CGREF1: variants seen among roughly 807,000 people sequenced by gnomAD.
CGREF1 encodes cell growth regulator with EF-hand domain 1.
In CGREF1, 16 loss-of-function variants were observed where a neutral mutation model predicts 17.4. The ratio of observed to expected loss-of-function variants is 0.92; its 90% CI spans 0.62 to 1.40. CGREF1 has a LOEUF of 1.40. Ranked by LOEUF, CGREF1 falls within the 40% of genes most tolerant of loss-of-function variation. CGREF1 has a pLI of 0.00. For synonymous variants in CGREF1, 142 were observed against 154.6 expected (o/e 0.92, Z 0.61); for missense variants, 296 against 376.4 (o/e 0.79, Z 1.77).
At chr2:27,116,871 TTCTCTCTC>T (rs537582075) in intron 1 of CGREF1, among the ~76,000 whole-genome samples, 2,206 of 33,644 alleles carry the variant, frequency 0.066, 91 homozygotes, top group Non-Finnish European at 0.093. Flanking sequence ...GCCAGGCCTA[TTCTCTCTC>T]TCTCTCTCTC....
chr2:27,106,704 C>T lies in CGREF1; in HGVS notation c.-11-2327G>A, dbSNP rs568372315. ...TGATATCAGCTCACTGCAACCTCCA[C>T]CTCCCGGGCTCAAGCGATTCTCCTG... is the stretch of plus-strand genomic sequence containing the variant. On this transcript the variant is annotated intron_variant, in intron 1 of 5. Transcript: ENST00000402394. Among the ~76,000 whole-genome samples the T allele has an allele frequency of 7.2e-4, 110 of 152,324 alleles. No homozygotes were observed. In the South Asian group the frequency reaches 0.022, roughly 30 times the overall value.
downstream of CGREF1, chr2:27,100,041 T>G: frequency 1.6e-6 from 1 of 642,886 alleles, no homozygotes; most frequent in Non-Finnish European, 2.7e-6. Context: ...TCCTCCCTCT[T>G]TGTGTCCATT....
chr2:27,103,976 C>G (rs1259141385), intron 2 of CGREF1, among the ~76,000 whole-genome samples: 1 of 151,990 alleles, frequency 6.6e-6, no homozygotes, highest in Non-Finnish European at 1.5e-5. Flanking sequence ...GAGTAAGACT[C>G]TGTCTCAAGA....
At chr2:27,107,156 A>G (rs1671152245) in intron 1 of CGREF1, among the ~76,000 whole-genome samples, 1 of 152,262 alleles carries the variant, frequency 6.6e-6, no homozygotes, top group East Asian at 1.9e-4. Context: ...TAAGACACTG[A>G]GTAAGAGCCA....
At position 27,101,250 on chromosome 2, in the gene CGREF1, G is replaced by A. The variant is rs1332277975; in HGVS notation, c.*24C>T. On this transcript the variant is annotated 3_prime_UTR_variant, in exon 6 of 6. Transcript: ENST00000402394. ...GCTTATGTTCTGGCACTGAGACTTC[G>A]TGGGGTACCTGTATCTTCAAGATCT... 1.7e-5 allele frequency: 26 copies of A among 1,525,824 alleles called. No homozygotes were observed. Among genetic ancestry groups the A allele is most frequent in the East Asian group, 4.5e-5 (2 of 44,072 alleles). The allele number at this position is 1,525,824 out of a possible 1,614,324, so 94.5% of individuals were successfully genotyped here.
rs536196966 is a variant in CGREF1 at position 27,111,973 on chromosome 2, G to A, written c.-12+6873C>T. On this transcript the variant is annotated intron_variant, in intron 1 of 5. Coordinates refer to ENST00000402394, the MANE Select transcript of CGREF1 (RefSeq NM_006569.6). ...CGCGGCCAGAGTGGGCGCCAAGGCC[G>A]AGGAGGCGCCGAGAACGAGCGAGGG... 7.2e-5 allele frequency among the ~76,000 whole-genome samples: 11 copies of A among 152,364 alleles called. No homozygotes were observed. In the East Asian group the frequency reaches 1.3e-3, roughly 19 times the overall value.
chr2:27,104,427 C>T (rs1404261034), intron 1 of CGREF1, 50 bp from the exon 2 acceptor site: 9 of 1,600,680 alleles, frequency 5.6e-6, no homozygotes, highest in Middle Eastern at 1.7e-4. Context: ...CGTCTGCCAC[C>T]GTGTCACAGA....
chr2:27,099,538 G>A (rs774520724), downstream of CGREF1: 5 of 1,614,180 alleles, frequency 3.1e-6, no homozygotes, highest in Non-Finnish European at 4.2e-6. Flanking sequence ...GGGAGCTGGA[G>A]ACACCTTCAA....
chr2:27,100,447 T>C (rs1317919421), downstream of CGREF1: 2 of 1,291,016 alleles, frequency 1.5e-6, no homozygotes, highest in Admixed American at 2.3e-5. Flanking sequence ...CAGCCACAAA[T>C]GTGACCCAGG....
chr2:27,099,409 C>A (rs377473990), downstream of CGREF1: 25 of 1,612,744 alleles, frequency 1.6e-5, no homozygotes, highest in African/African-American at 2.5e-4. Context: ...CTGAGTGGAG[C>A]CGTCTTGCAG....
intron 1 of CGREF1, among the ~76,000 whole-genome samples, chr2:27,106,550 G>T (rs1451057631): frequency 6.6e-6 from 1 of 152,174 alleles, no homozygotes; most frequent in Non-Finnish European, 1.5e-5. Context: ...TTGGTGCTGT[G>T]TAGAAGGGAG....
In CGREF1 at chr2:27,101,213, G is replaced by C; in HGVS notation, c.*61C>G. On this transcript the variant is annotated 3_prime_UTR_variant, in exon 6 of 6. Coordinates refer to ENST00000402394, the MANE Select transcript of CGREF1 (RefSeq NM_006569.6). ...CCTTGTCCCAGCGTACATTTCCCCT[G>C]CCCACTTCAGGGCTTATGTTCTGGC... 6.6e-7 allele frequency: 1 copy of C among 1,512,636 alleles called. No homozygotes were observed. Among genetic ancestry groups the C allele is most frequent in the Non-Finnish European group, 8.8e-7 (1 of 1,132,872 alleles). The allele number at this position is 1,512,636 out of a possible 1,614,324, so 93.7% of individuals were successfully genotyped here.
chr2:27,115,119 T>G lies in CGREF1; in HGVS notation c.-12+3727A>C, dbSNP rs113913548. Among the ~76,000 whole-genome samples the G allele has an allele frequency of 7.5e-3, 1,144 of 152,338 alleles. 13 individuals are homozygous for G. The highest frequency in any genetic ancestry group is 0.026 in the African/African-American group (1,094 of 41,564). ...AAAACCAACCATGTAAGGGCTGGCTTCATGGGTGTGCGTCCTGTGAAGTCA... is the reference window on the plus strand; with the variant it reads ...AAAACCAACCATGTAAGGGCTGGCTGCATGGGTGTGCGTCCTGTGAAGTCA... On this transcript the variant is annotated intron_variant, in intron 1 of 5. Coordinates refer to ENST00000402394, the MANE Select transcript of CGREF1 (RefSeq NM_006569.6).
chr2:27,116,871 T>TTCTCTCTCTCTCTCTCTCTCCC (rs1671587739), intron 1 of CGREF1, among the ~76,000 whole-genome samples: 1 of 33,700 alleles, frequency 3.0e-5, no homozygotes, highest in Non-Finnish European at 5.9e-5. Flanking sequence ...GCCAGGCCTA[T>TTCTCTCTCTCTCTCTCTCTCCC]TCTCTCTCTC....
At chr2:27,109,195 C>T (rs1318747501) in intron 1 of CGREF1, among the ~76,000 whole-genome samples, 1 of 151,594 alleles carries the variant, frequency 6.6e-6, no homozygotes, top group Non-Finnish European at 1.5e-5. Flanking sequence ...TATAGTGAGA[C>T]TCCATTTCTA....
chr2:27,111,732 G>C (rs1444907765), intron 1 of CGREF1, among the ~76,000 whole-genome samples: 1 of 151,884 alleles, frequency 6.6e-6, no homozygotes, highest in Non-Finnish European at 1.5e-5. Context: ...CTCACTGCCC[G>C]GGGCCGGCGG....
chr2:27,101,436 AG>A lies in CGREF1; in HGVS notation c.794del (p.Ala265ValfsTer57). On this transcript the variant is annotated frameshift_variant, in exon 6 of 6. Coordinates refer to ENST00000402394, the MANE Select transcript of CGREF1 (RefSeq NM_006569.6). LOFTEE classifies it low-confidence loss of function (END_TRUNC). ...PRGEAGGQAE[A>X]EGDAPGPRGE... Reference sequence around the variant, plus strand: ...CTCTGGGCCCGGGGGCATCTCCTTCAGCCTCTGCCTGGCCCCCAGCTTCCCC... The same window carrying A: ...CTCTGGGCCCGGGGGCATCTCCTTCACCTCTGCCTGGCCCCCAGCTTCCCC... 2.1e-5 allele frequency: 22 copies of A among 1,062,320 alleles called. No individual in the cohort carries two copies. The highest frequency in any genetic ancestry group is 1.7e-4 in the South Asian group (6 of 36,044). 65.8% of individuals were successfully genotyped at this position (1,062,320 alleles called of 1,614,324 possible).
intron 1 of CGREF1, among the ~76,000 whole-genome samples, chr2:27,109,460 CTGTT>C (rs1440536371): frequency 6.6e-6 from 1 of 151,462 alleles, no homozygotes. Flanking sequence ...CAGACATAGA[CTGTT>C]AAACAATGCT....
Position 27,102,107 on chromosome 2 carries a change from G to A in CGREF1, c.332C>T (p.Thr111Ile). 1 of 1,606,500 alleles carries A rather than the reference G, an allele frequency of 6.2e-7. No homozygotes were observed. Among genetic ancestry groups the A allele is most frequent in the South Asian group, 1.1e-5 (1 of 90,838 alleles). ...ALAPGAANSPTTNPVILIVDK... is the reference protein window; with the variant it reads ...ALAPGAANSPITNPVILIVDK... ...TCCAGCAGAGCTTACCGGGTTGGTG[G>A]TAGGAGAGTTGGCAGCTCCAGGGGC... The change falls in exon 5 of 6, where the codon ACC (threonine) becomes ATC (isoleucine). Residue 111 changes from threonine to isoleucine, a missense_variant. Around this residue, in one of 3 missense-constraint regions of CGREF1, gnomAD observed 247 missense variants for 267.2 expected, o/e 0.92. Coordinates refer to ENST00000402394, the MANE Select transcript of CGREF1 (RefSeq NM_006569.6).
Sources: gnomAD v4.1 joint callset for allele counts (sites outside exome capture counted in the v4.1 genomes callset) on GRCh38, gnomAD v4.1.1 for gene constraint, gnomAD v4.1.1 regional missense constraint, MANE v1.5 for transcripts, NCBI Gene and HGNC (gene_info 2026-07-23, HGNC 2026-07-21) for gene names.